Variants in SGMS1 observed in about 807,000 individuals in gnomAD.
SGMS1 encodes sphingomyelin synthase 1.
A neutral mutation model predicts 46.2 loss-of-function variants in SGMS1; 13 were observed. That is an observed-to-expected ratio of 0.28 (90% CI 0.18 to 0.45). SGMS1 has a LOEUF of 0.45. SGMS1 is among the 20% of genes least tolerant of loss of function. The probability of loss-of-function intolerance (pLI) is 1.00; values close to 1 mark genes in which losing one functional copy is unlikely to be tolerated. For synonymous variants in SGMS1, 203 were observed against 187.8 expected, an observed-to-expected ratio of 1.08 and a Z score of -0.66; for missense variants, 324 against 519.9, an observed-to-expected ratio of 0.62 and a Z score of 3.66.
intron 3 of SGMS1, among the ~76,000 whole-genome samples, chr10:50,472,387 C>G (rs1837386141): frequency 6.6e-6 from 1 of 152,088 alleles, no homozygotes; most frequent in African/African-American, 2.4e-5. Context: ...ACCATTCTAC[C>G]CTCTACTTCT....
chr10:50,448,949 T>C (rs1203385), intron 5 of SGMS1, among the ~76,000 whole-genome samples: 85,009 of 151,826 alleles, frequency 0.56, 24,123 homozygotes, highest in Non-Finnish European at 0.59. Context: ...AAAATAAGCA[T>C]ATGAAAAGGG....
chr10:50,507,986 A>G (rs1268224769), intron 3 of SGMS1, among the ~76,000 whole-genome samples: 1 of 152,004 alleles, frequency 6.6e-6, no homozygotes, highest in African/African-American at 2.4e-5. Context: ...ATCCCCCACA[A>G]CAGATCCCAT....
intron 5 of SGMS1, among the ~76,000 whole-genome samples, chr10:50,449,342 A>G: frequency 6.6e-6 from 1 of 152,252 alleles, no homozygotes; most frequent in Non-Finnish European, 1.5e-5. Context: ...ATGAACAATG[A>G]TTTCCTTTTA....
chr10:50,322,400 T>C (rs1847459754), intron 8 of SGMS1, among the ~76,000 whole-genome samples: 1 of 152,238 alleles, frequency 6.6e-6, no homozygotes, highest in African/African-American at 2.4e-5. Flanking sequence ...TTAGGCTGCC[T>C]GTTTATCTGG....
intron 6 of SGMS1, among the ~76,000 whole-genome samples, chr10:50,371,083 T>G (rs1848428730): frequency 6.6e-6 from 1 of 152,214 alleles, no homozygotes; most frequent in African/African-American, 2.4e-5. Flanking sequence ...TGCTATGCTT[T>G]TATACGGATG....
chr10:50,514,301 T>C (rs1035691916), intron 3 of SGMS1, among the ~76,000 whole-genome samples: 1 of 152,220 alleles, frequency 6.6e-6, no homozygotes, highest in African/African-American at 2.4e-5. Context: ...GTCTTTGAGA[T>C]TGTTAAATAT....
chr10:50,608,354 GA>G (rs1237080990), intron 1 of SGMS1, among the ~76,000 whole-genome samples: 9 of 152,132 alleles, frequency 5.9e-5, no homozygotes, highest in Admixed American at 2.0e-4. Flanking sequence ...GAAAGAGAAG[GA>G]AAAGGGTAAG....
intron 2 of SGMS1, among the ~76,000 whole-genome samples, chr10:50,554,636 G>A (rs529510774): frequency 9.9e-5 from 15 of 152,190 alleles, no homozygotes; most frequent in African/African-American, 9.6e-5. Context: ...AAGGTTCAGG[G>A]GCTGGCCCCA....
intron 3 of SGMS1, among the ~76,000 whole-genome samples, chr10:50,470,444 TGGA>T (rs1837368878): frequency 6.6e-6 from 1 of 151,724 alleles, no homozygotes. Context: ...TTCTTCTGCT[TGGA>T]GGAGAACCTT....
At chr10:50,619,787 G>C (rs1838832277) in intron 1 of SGMS1, among the ~76,000 whole-genome samples, 1 of 152,194 alleles carries the variant, frequency 6.6e-6, no homozygotes, top group Non-Finnish European at 1.5e-5. Flanking sequence ...GAGAGTGGAG[G>C]GGAATCTTTC....
intron 6 of SGMS1, among the ~76,000 whole-genome samples, chr10:50,427,537 A>G (rs1849345333): frequency 6.6e-6 from 1 of 152,236 alleles, no homozygotes; most frequent in African/African-American, 2.4e-5. Flanking sequence ...ATTAAATGGC[A>G]CAGTAAATAC....
rs528236971 is a variant in SGMS1 at position 50,408,547 on chromosome 10, G to C, written c.-232+24929C>G. Among the ~76,000 whole-genome samples, 18 of 152,174 alleles carry C rather than the reference G, an allele frequency of 1.2e-4. 1 individual carries two copies. The highest frequency in any genetic ancestry group is 3.4e-3 in the Middle Eastern group (1 of 294). ...AAATACAAAAAATTAGCTGGGTGTG[G>C]TGGCACGCACCTGTAGTCCCAGCTA... On this transcript the variant is annotated intron_variant, in intron 6 of 10. Transcript: ENST00000361781.
upstream of SGMS1, chr10:50,624,949 C>A: frequency 9.8e-7 from 1 of 1,024,216 alleles, no homozygotes; most frequent in African/African-American, 1.7e-5. Flanking sequence ...CTCCGGGCAG[C>A]CATCTTCCGC....
rs1847858196 is a variant in SGMS1, at chr10:50,343,655, A to C, written c.460T>G (p.Ser154Ala). Reference sequence around the variant, plus strand: ...GGAGGTACTCGTTCGTGGACGACCGAGATCATCACTGTGGTGAGAACGAAA... The same window carrying C: ...GGAGGTACTCGTTCGTGGACGACCGCGATCATCACTGTGGTGAGAACGAAA... ...SCFVLTTVMISVVHERVPPKE... is the reference protein window; with the variant it reads ...SCFVLTTVMIAVVHERVPPKE... The change falls in exon 7 of 11, where the codon TCG (serine) becomes GCG (alanine). Residue 154 changes from serine (S) to alanine (A), a missense_variant. By Grantham distance (99) the Ser-to-Ala change is moderately conservative. Around this residue, in one of 2 missense-constraint regions of SGMS1, gnomAD observed 174 missense variants for 350.1 expected, o/e 0.50. Coordinates refer to ENST00000361781, the MANE Select transcript of SGMS1 (RefSeq NM_147156.4). The C allele has an allele frequency of 6.2e-7, 1 of 1,614,036 alleles. No individual in the cohort carries two copies. The highest frequency in any genetic ancestry group is 1.1e-5 in the South Asian group (1 of 91,066).
intron 5 of SGMS1, among the ~76,000 whole-genome samples, chr10:50,449,998 T>C (rs1462138669): frequency 1.3e-5 from 2 of 152,120 alleles, no homozygotes; most frequent in Non-Finnish European, 2.9e-5. Context: ...TCATTCAAGA[T>C]TATGTAAATA....
intron 1 of SGMS1, among the ~76,000 whole-genome samples, chr10:50,622,726 C>T (rs2131951618): frequency 6.6e-6 from 1 of 152,364 alleles, no homozygotes; most frequent in Non-Finnish European, 1.5e-5. Flanking sequence ...TCCCTCCGGC[C>T]ATGACAACCC....
At chr10:50,332,829 T>C (rs1564877686) in intron 7 of SGMS1, among the ~76,000 whole-genome samples, 1 of 152,044 alleles carries the variant, frequency 6.6e-6, no homozygotes, top group Non-Finnish European at 1.5e-5. Flanking sequence ...TCTTGCCATT[T>C]TGCCCAGGCT....
chr10:50,425,912 T>G (rs967486193), intron 6 of SGMS1, among the ~76,000 whole-genome samples: 1 of 152,190 alleles, frequency 6.6e-6, no homozygotes, highest in Admixed American at 6.5e-5. Context: ...AAAGTATGCA[T>G]CCCTTTAATT....
chr10:50,604,481 G>T (rs1838676717), intron 1 of SGMS1, among the ~76,000 whole-genome samples: 1 of 152,238 alleles, frequency 6.6e-6, no homozygotes, highest in South Asian at 2.1e-4. Flanking sequence ...CTGATACAGT[G>T]CCAGGTTAGC....
Sources: gnomAD v4.1 joint callset for allele counts (sites outside exome capture counted in the v4.1 genomes callset) on GRCh38, gnomAD v4.1.1 for gene constraint, gnomAD v4.1.1 regional missense constraint, MANE v1.5 for transcripts, NCBI Gene and HGNC (gene_info 2026-07-23, HGNC 2026-07-21) for gene names.